Variants in GRK5 observed in about 807,000 individuals in gnomAD.
GRK5 encodes the protein g protein-coupled receptor kinase GRK5.
Under a neutral mutation model 78.4 loss-of-function variants are expected in GRK5, and 40 were observed. The observed-to-expected ratio is 0.51, with a 90% CI of 0.40 to 0.66. The LOEUF is 0.66. GRK5 is among the 30% of genes least tolerant of loss of function. The pLI, the probability that GRK5 is intolerant of heterozygous loss-of-function variation, is 0.00. For synonymous variants in GRK5, 289 were observed against 296.8 expected (o/e 0.97, Z 0.27); for missense variants, 598 against 759.9 (o/e 0.79, Z 2.50).
At chr10:119,283,154 T>C (rs1466130445) in intron 1 of GRK5, among the ~76,000 whole-genome samples, 19 of 152,156 alleles carry the variant, frequency 1.2e-4, no homozygotes, top group Admixed American at 1.2e-3. Flanking sequence ...CTGGTAACCT[T>C]TGTCAGGATG....
At chr10:119,210,339 C>G (rs973662501) in intron 1 of GRK5, among the ~76,000 whole-genome samples, 5 of 152,234 alleles carry the variant, frequency 3.3e-5, no homozygotes, top group Admixed American at 1.3e-4. Context: ...CCCCTTCTTT[C>G]TCTCTTATGC....
intron 1 of GRK5, among the ~76,000 whole-genome samples, chr10:119,262,413 A>G (rs781112143): frequency 1.1e-4 from 16 of 139,366 alleles, no homozygotes; most frequent in Non-Finnish European, 1.9e-4. Context: ...ATCTCGGCTC[A>G]GCACAACCTC....
intron 1 of GRK5, among the ~76,000 whole-genome samples, chr10:119,222,187 C>A (rs1223270703): frequency 6.6e-6 from 1 of 152,104 alleles, no homozygotes; most frequent in African/African-American, 2.4e-5. Context: ...TACCAAGGAG[C>A]CACTTCCCCT....
At chr10:119,357,243 A>G (rs186338789) in intron 2 of GRK5, among the ~76,000 whole-genome samples, 75 of 152,370 alleles carry the variant, frequency 4.9e-4, no homozygotes, top group African/African-American at 1.7e-3. Context: ...TTATGCTCCA[A>G]AGATAAAGTC....
chr10:119,268,296 A>C (rs1005170634), intron 1 of GRK5, among the ~76,000 whole-genome samples: 1 of 152,222 alleles, frequency 6.6e-6, no homozygotes, highest in African/African-American at 2.4e-5. Context: ...AAGCCCAAGC[A>C]GTGTTTTTCT....
intron 1 of GRK5, among the ~76,000 whole-genome samples, chr10:119,233,280 A>G (rs1848861042): frequency 6.6e-6 from 1 of 152,240 alleles, no homozygotes; most frequent in Middle Eastern, 3.4e-3. Flanking sequence ...TTGGGTGGAG[A>G]TGATGTCTCA....
At chr10:119,281,475 T>C (rs2133689808) in intron 1 of GRK5, among the ~76,000 whole-genome samples, 1 of 152,324 alleles carries the variant, frequency 6.6e-6, no homozygotes, top group African/African-American at 2.4e-5. Context: ...GGCTCGTTCA[T>C]TTTGGCCATG....
intron 1 of GRK5, among the ~76,000 whole-genome samples, chr10:119,214,560 C>G (rs1427231898): frequency 6.6e-6 from 1 of 152,152 alleles, no homozygotes; most frequent in African/African-American, 2.4e-5. Flanking sequence ...CTTGCTGTCA[C>G]CCAGTCTGTA....
chr10:119,442,141 C>A, intron 11 of GRK5, 53 bp downstream of exon 11: 1 of 1,469,272 alleles, frequency 6.8e-7, no homozygotes, highest in Non-Finnish European at 9.5e-7. Flanking sequence ...CACCTGCTCA[C>A]CGCCGGCCGA....
intron 1 of GRK5, among the ~76,000 whole-genome samples, chr10:119,309,584 C>T (rs1251402648): frequency 6.6e-6 from 1 of 152,240 alleles, no homozygotes; most frequent in East Asian, 1.9e-4. Flanking sequence ...CCCTAGCAGC[C>T]TTCTTAAGAG....
intron 4 of GRK5, among the ~76,000 whole-genome samples, chr10:119,416,121 G>A (rs753153359): frequency 1.3e-5 from 2 of 152,222 alleles, no homozygotes; most frequent in Non-Finnish European, 2.9e-5. Flanking sequence ...AAGGGCACCA[G>A]CCAAGTACAA....
chr10:119,394,480 GGTGT>G lies in GRK5; in HGVS notation c.262-2210_262-2207del, dbSNP rs577236507. 3.0e-4 allele frequency among the ~76,000 whole-genome samples: 27 copies of G among 90,656 alleles called. 5 individuals carry two copies. The South Asian group carries it at 9.1e-3, about 30-fold the overall frequency. The allele number at this position is 90,656 out of a possible 152,430, so 59.5% of individuals were successfully genotyped here. ...GTGGGCACGTGTGTGGATGTGTGTG[GGTGT>G]GTGTATCTGCGTGTCTGTGGGCACG... is the stretch of plus-strand genomic sequence containing the variant. On this transcript the variant is annotated intron_variant, in intron 3 of 15. Transcript: ENST00000392870.
intron 4 of GRK5, among the ~76,000 whole-genome samples, chr10:119,421,793 G>T (rs946822665): frequency 1.3e-5 from 2 of 152,212 alleles, no homozygotes; most frequent in African/African-American, 4.8e-5. Flanking sequence ...GACCCTGAGG[G>T]CAGGGGTGAG....
At chr10:119,281,200 C>T (rs1465472984) in intron 1 of GRK5, among the ~76,000 whole-genome samples, 2 of 151,850 alleles carry the variant, frequency 1.3e-5, no homozygotes, top group Admixed American at 6.6e-5. Flanking sequence ...TGTGCTGCCT[C>T]CATGCTTGGG....
At chr10:119,413,548 G>A (rs1477697994) in intron 4 of GRK5, among the ~76,000 whole-genome samples, 2 of 151,966 alleles carry the variant, frequency 1.3e-5, no homozygotes, top group African/African-American at 4.8e-5. Flanking sequence ...TGCGTCTCAG[G>A]TCTGCTACTT....
intron 1 of GRK5, among the ~76,000 whole-genome samples, chr10:119,302,266 C>T (rs181764548): frequency 7.9e-5 from 12 of 152,322 alleles, no homozygotes; most frequent in Non-Finnish European, 7.3e-5. Context: ...TTAGCAGAGT[C>T]CTCAGAATAT....
intron 6 of GRK5, among the ~76,000 whole-genome samples, chr10:119,427,753 A>C (rs1852726891): frequency 7.7e-6 from 1 of 130,546 alleles, no homozygotes; most frequent in East Asian, 2.3e-4. Context: ...TGCCATCATC[A>C]GTATTACCAC....
intron 2 of GRK5, among the ~76,000 whole-genome samples, chr10:119,357,849 G>T (rs1851289381): frequency 2.0e-5 from 3 of 152,016 alleles, no homozygotes; most frequent in African/African-American, 7.2e-5. Context: ...CAGGGTGGGG[G>T]TGGGTGGTGG....
intron 3 of GRK5, among the ~76,000 whole-genome samples, chr10:119,385,573 C>A (rs919114109): frequency 6.6e-6 from 1 of 152,196 alleles, no homozygotes; most frequent in Non-Finnish European, 1.5e-5. Flanking sequence ...ATCTTAGTAG[C>A]CCCTGGCGGT....
Sources: gnomAD v4.1 joint callset for allele counts (sites outside exome capture counted in the v4.1 genomes callset) on GRCh38, gnomAD v4.1.1 for gene constraint, MANE v1.5 for transcripts, NCBI Gene and HGNC (gene_info 2026-07-23, HGNC 2026-07-21) for gene names.